Variants in EBF1 observed in about 807,000 individuals in gnomAD.
The protein encoded by EBF1 is transcription factor COE1.
A neutral mutation model predicts 68.4 loss-of-function variants in EBF1; 10 were observed. That is an observed-to-expected ratio of 0.15 (90% CI 0.09 to 0.25). The LOEUF (loss-of-function observed/expected upper bound fraction) is 0.25. Ranked by LOEUF, EBF1 falls within the 10% of genes least tolerant of loss-of-function variation. The pLI, the probability that EBF1 is intolerant of heterozygous loss-of-function variation, is 1.00. For missense variants in EBF1, 509 were observed against 794.4 expected (o/e 0.64, Z 4.32); for synonymous variants, 298 against 299.8 (o/e 0.99, Z 0.06).
intron 8 of EBF1, among the ~76,000 whole-genome samples, chr5:158,798,208 A>G (rs943277605): frequency 2.0e-5 from 3 of 152,216 alleles, no homozygotes; most frequent in South Asian, 4.1e-4. Context: ...AGAATGGAGT[A>G]CAAAAGGTGT....
intron 11 of EBF1, among the ~76,000 whole-genome samples, chr5:158,719,049 CTT>C (rs1761370951): frequency 1.3e-5 from 2 of 152,082 alleles, no homozygotes; most frequent in South Asian, 4.1e-4. Flanking sequence ...AAAGTACACA[CTT>C]AATTTGTATG....
At chr5:158,822,255 TGGAC>T (rs1472769367) in intron 8 of EBF1, among the ~76,000 whole-genome samples, 2 of 114,026 alleles carry the variant, frequency 1.8e-5, no homozygotes, top group African/African-American at 6.8e-5. Flanking sequence ...CATTCTTGGA[TGGAC>T]GGATGGACGG....
intron 6 of EBF1, among the ~76,000 whole-genome samples, chr5:158,958,146 C>G (rs1421205643): frequency 6.6e-6 from 1 of 152,114 alleles, no homozygotes; most frequent in Non-Finnish European, 1.5e-5. Flanking sequence ...TGAATTGAGA[C>G]TGACATCTGA....
intron 6 of EBF1, among the ~76,000 whole-genome samples, chr5:159,060,960 A>G (rs999533493): frequency 6.6e-6 from 1 of 151,706 alleles, no homozygotes; most frequent in Non-Finnish European, 1.5e-5. Flanking sequence ...ACACACACAC[A>G]CACACACACA....
intron 6 of EBF1, among the ~76,000 whole-genome samples, chr5:158,994,967 A>G (rs946256782): frequency 6.6e-6 from 1 of 152,216 alleles, no homozygotes; most frequent in African/African-American, 2.4e-5. Context: ...CCAGCAATAC[A>G]CAGAGAAAGC....
chr5:158,774,529 C>G (rs1179131934), intron 10 of EBF1, among the ~76,000 whole-genome samples: 1 of 152,038 alleles, frequency 6.6e-6, no homozygotes, highest in Non-Finnish European at 1.5e-5. Context: ...AGAGGGTTAG[C>G]TCACCCAATC....
chr5:159,019,822 C>T (rs944410020), intron 6 of EBF1, among the ~76,000 whole-genome samples: 27 of 151,966 alleles, frequency 1.8e-4, no homozygotes, highest in African/African-American at 5.3e-4. Flanking sequence ...CTTACTGCTC[C>T]GATTGTTCTC....
chr5:158,806,917 A>G (rs1781693818), intron 8 of EBF1, among the ~76,000 whole-genome samples: 1 of 152,188 alleles, frequency 6.6e-6, no homozygotes, highest in South Asian at 2.1e-4. Context: ...TGCTTTGCCC[A>G]TTACAGTAGC....
chr5:158,775,560 A>G (rs938059814), intron 10 of EBF1, among the ~76,000 whole-genome samples: 3 of 151,978 alleles, frequency 2.0e-5, no homozygotes, highest in African/African-American at 7.3e-5. Flanking sequence ...TTCGGCCAAA[A>G]ACAGAGTCCA....
chr5:158,922,394 T>A (rs1442014071), intron 6 of EBF1, among the ~76,000 whole-genome samples: 2 of 152,150 alleles, frequency 1.3e-5, no homozygotes, highest in Non-Finnish European at 1.5e-5. Context: ...AACATAACAA[T>A]AACCGACCAC....
At position 158,696,420 on chromosome 5, in the gene EBF1, C is replaced by T; in HGVS notation, c.*2691G>A. On this transcript the variant is annotated 3_prime_UTR_variant, in exon 16 of 16. Transcript: ENST00000313708. ...TTCAAGAAGAGTTCTAACCACTGCACATGGCTGACAGATGGGTAGTGTCTG... is the reference window on the plus strand; with the variant it reads ...TTCAAGAAGAGTTCTAACCACTGCATATGGCTGACAGATGGGTAGTGTCTG... 1 of 221,582 alleles carries T rather than the reference C, an allele frequency of 4.5e-6. No homozygotes were observed. Among genetic ancestry groups the T allele is most frequent in the East Asian group, 6.5e-5 (1 of 15,276 alleles). The allele number at this position is 221,582 out of a possible 1,614,324, so 13.7% of individuals were successfully genotyped here. A position where few individuals can be genotyped will look rare whatever the true frequency, so the allele number is the denominator to read the frequency against.
chr5:158,917,114 G>A lies in EBF1; in HGVS notation c.555-77004C>T, dbSNP rs1040788997. Among the ~76,000 whole-genome samples, 4 of 152,176 alleles carry A rather than the reference G, an allele frequency of 2.6e-5. 1 individual carries two copies. Among genetic ancestry groups the A allele is most frequent in the African/African-American group, 9.7e-5 (4 of 41,448 alleles). ...CCCTGGGAGATCTATAATAAAAACT[G>A]TTAGCTCTTTGACACTCAATAAAAG... is the stretch of plus-strand genomic sequence containing the variant. On this transcript the variant is annotated intron_variant, in intron 6 of 15. Transcript: ENST00000313708.
At chr5:158,981,296 GT>G (rs1757851908) in intron 6 of EBF1, among the ~76,000 whole-genome samples, 1 of 152,128 alleles carries the variant, frequency 6.6e-6, no homozygotes, top group South Asian at 2.1e-4. Context: ...ATAGAAGGTT[GT>G]TTTCATGGGA....
In EBF1 at chr5:158,758,937, C is replaced by T. The variant is rs370499893; in HGVS notation, c.1036+18476G>A. On this transcript the variant is annotated intron_variant, in intron 10 of 15. Coordinates refer to ENST00000313708, the MANE Select transcript of EBF1 (RefSeq NM_024007.5). Reference sequence around the variant, plus strand: ...TCACCACATTTCCTGAATCATCCAGCTTCATAATGATGATTTCTTTTCATT... The same window carrying T: ...TCACCACATTTCCTGAATCATCCAGTTTCATAATGATGATTTCTTTTCATT... 1.1e-4 allele frequency among the ~76,000 whole-genome samples: 17 copies of T among 152,290 alleles called. No individual in the cohort carries two copies. The East Asian group carries it at 3.3e-3, about 29-fold the overall frequency.
chr5:158,834,076 A>G (rs1197259695), intron 7 of EBF1, among the ~76,000 whole-genome samples: 1 of 152,230 alleles, frequency 6.6e-6, no homozygotes, highest in South Asian at 2.1e-4. Context: ...TTGGAAATTT[A>G]TACTTTACTT....
chr5:159,084,786 GAAAA>G, intron 4 of EBF1, 47 bp from the exon 5 acceptor site: 4 of 1,078,934 alleles, frequency 3.7e-6, no homozygotes, highest in African/African-American at 1.7e-5. Flanking sequence ...AGGAGTAGCA[GAAAA>G]AAAAAAAAAA....
intron 6 of EBF1, among the ~76,000 whole-genome samples, chr5:158,848,180 A>G (rs1791907345): frequency 6.6e-6 from 1 of 152,208 alleles, no homozygotes; most frequent in Non-Finnish European, 1.5e-5. Context: ...GAGGTAAGGT[A>G]ATTTGCCCAA....
intron 6 of EBF1, among the ~76,000 whole-genome samples, chr5:159,050,348 C>A (rs902800615): frequency 2.0e-5 from 3 of 152,060 alleles, no homozygotes; most frequent in African/African-American, 4.8e-5. Flanking sequence ...TTCTACCCCT[C>A]CATGCTTCCC....
intron 9 of EBF1, among the ~76,000 whole-genome samples, chr5:158,794,412 CA>C (rs1779253746): frequency 1.3e-5 from 2 of 152,124 alleles, no homozygotes; most frequent in African/African-American, 4.8e-5. Flanking sequence ...GTTCCCAAAA[CA>C]GGTCAAGAAA....
Sources: allele counts gnomAD v4.1 joint callset (sites outside exome capture counted in the v4.1 genomes callset), GRCh38; gene constraint gnomAD v4.1.1; transcripts MANE v1.5; gene names NCBI Gene and HGNC (gene_info 2026-07-23, HGNC 2026-07-21).